NR3C2: variants seen among roughly 807,000 people sequenced by gnomAD.
NR3C2 encodes the protein mineralocorticoid receptor.
NR3C2 carries 15 observed loss-of-function variants against 86.4 expected under a neutral mutation model. That is an observed-to-expected ratio of 0.17 (90% CI 0.12 to 0.27). NR3C2 has a LOEUF of 0.27. Ranked by LOEUF, NR3C2 falls within the 10% of genes least tolerant of loss-of-function variation. The probability of loss-of-function intolerance (pLI) is 1.00; values close to 1 mark genes in which losing one functional copy is unlikely to be tolerated. For missense variants in NR3C2, 960 were observed against 1,195.6 expected, an observed-to-expected ratio of 0.80 and a Z score of 2.91; for synonymous variants, 458 against 450.5, an observed-to-expected ratio of 1.02 and a Z score of -0.21.
At chr4:148,119,785 C>CAA (rs34625634) in intron 7 of NR3C2, among the ~76,000 whole-genome samples, 4,274 of 121,926 alleles carry the variant, frequency 0.035, 200 homozygotes, top group African/African-American at 0.12. Flanking sequence ...GACTTCATCT[C>CAA]AAAAAAAAAA....
At chr4:148,329,071 A>T (rs6849127) in intron 2 of NR3C2, among the ~76,000 whole-genome samples, 51,417 of 151,982 alleles carry the variant, frequency 0.34, 9,954 homozygotes, top group African/African-American at 0.54. Context: ...AAATTGCAAA[A>T]GCCTTCAGGG....
intron 3 of NR3C2, among the ~76,000 whole-genome samples, chr4:148,217,227 A>T (rs935328914): frequency 6.6e-6 from 1 of 152,074 alleles, no homozygotes; most frequent in Non-Finnish European, 1.5e-5. Flanking sequence ...CTGGGAGAAA[A>T]CTCACCATAT....
chr4:148,141,130 G>A (rs1193970191), intron 6 of NR3C2, among the ~76,000 whole-genome samples: 2 of 151,984 alleles, frequency 1.3e-5, no homozygotes, highest in African/African-American at 2.4e-5. Context: ...GTTACCGAGC[G>A]CCAGTTATAT....
intron 2 of NR3C2, among the ~76,000 whole-genome samples, chr4:148,374,967 G>A (rs902235762): frequency 1.4e-4 from 22 of 152,188 alleles, no homozygotes; most frequent in Non-Finnish European, 2.2e-4. Flanking sequence ...CTTCTTAAAA[G>A]AAAACAGATT....
At chr4:148,199,907 T>C (rs528577005) in intron 3 of NR3C2, among the ~76,000 whole-genome samples, 39 of 152,346 alleles carry the variant, frequency 2.6e-4, no homozygotes, top group African/African-American at 8.9e-4. Context: ...ATATCATGTG[T>C]TCTTGATATG....
At chr4:148,374,579 A>G (rs1746581146) in intron 2 of NR3C2, among the ~76,000 whole-genome samples, 1 of 152,234 alleles carries the variant, frequency 6.6e-6, no homozygotes. Context: ...ATTGTTAATT[A>G]TATATGTCAA....
intron 2 of NR3C2, among the ~76,000 whole-genome samples, chr4:148,426,108 C>A (rs561984779): frequency 3.9e-5 from 6 of 152,180 alleles, no homozygotes; most frequent in Non-Finnish European, 5.9e-5. Flanking sequence ...CATTTCTTTG[C>A]GCTACCATCT....
chr4:148,424,077 C>T (rs142135106), intron 2 of NR3C2, among the ~76,000 whole-genome samples: 2 of 152,148 alleles, frequency 1.3e-5, no homozygotes, highest in Non-Finnish European at 2.9e-5. Context: ...AAAAAGTTTA[C>T]AATAAGGTAC....
intron 3 of NR3C2, among the ~76,000 whole-genome samples, chr4:148,259,452 A>C (rs3752700): frequency 4.9e-5 from 1 of 20,308 alleles, no homozygotes; most frequent in Non-Finnish European, 8.5e-5. Flanking sequence ...TTTAATATGC[A>C]AAATTTGGAA....
chr4:148,398,737 C>T (rs1747985635), intron 2 of NR3C2, among the ~76,000 whole-genome samples: 1 of 152,178 alleles, frequency 6.6e-6, no homozygotes, highest in Non-Finnish European at 1.5e-5. Flanking sequence ...CAGATTACCC[C>T]TACCCTCATG....
chr4:148,377,620 A>G (rs1339009604), intron 2 of NR3C2, among the ~76,000 whole-genome samples: 4 of 152,246 alleles, frequency 2.6e-5, no homozygotes, highest in Non-Finnish European at 5.9e-5. Flanking sequence ...GTCCTATATC[A>G]TAGTAACAAT....
intron 4 of NR3C2, among the ~76,000 whole-genome samples, chr4:148,187,219 G>T (rs1423582399): frequency 6.6e-6 from 1 of 151,584 alleles, no homozygotes; most frequent in Non-Finnish European, 1.5e-5. Flanking sequence ...ATTTTCCTCT[G>T]GGTAGATACC....
At chr4:148,419,350 C>T (rs114983110) in intron 2 of NR3C2, among the ~76,000 whole-genome samples, 181 of 152,200 alleles carry the variant, frequency 1.2e-3, no homozygotes, top group African/African-American at 4.2e-3. Context: ...GAAGGAAGGG[C>T]CCACGAATCT....
rs1730474733 is a variant in NR3C2, at chr4:148,080,094, G to A, written c.*1250C>T. ...GCTTCTAGAGGAAAAGGGAAACGAGGCAGCTTTCCCAAAGCTGCAGCACTC... is the reference window on the plus strand; with the variant it reads ...GCTTCTAGAGGAAAAGGGAAACGAGACAGCTTTCCCAAAGCTGCAGCACTC... On this transcript the variant is annotated 3_prime_UTR_variant, in exon 9 of 9. Coordinates refer to ENST00000358102, the MANE Select transcript of NR3C2 (RefSeq NM_000901.5). 6.6e-6 allele frequency: 1 copy of A among 152,192 alleles called. No homozygotes were observed. Among genetic ancestry groups the A allele is most frequent in the African/African-American group, 2.4e-5 (1 of 41,438 alleles). 9.4% of individuals were successfully genotyped at this position (152,192 alleles called of 1,614,324 possible). A position where few individuals can be genotyped will look rare whatever the true frequency, so the allele number is the denominator to read the frequency against.
At chr4:148,195,641 T>C (rs915390917) in intron 3 of NR3C2, among the ~76,000 whole-genome samples, 1 of 152,138 alleles carries the variant, frequency 6.6e-6, no homozygotes, top group African/African-American at 2.4e-5. Context: ...TGGAAGGTGA[T>C]TTTTAAATAA....
chr4:148,127,619 G>A (rs1732814095), intron 6 of NR3C2, among the ~76,000 whole-genome samples: 1 of 152,174 alleles, frequency 6.6e-6, no homozygotes, highest in Admixed American at 6.5e-5. Context: ...AGAACCGTGA[G>A]TACTAATATA....
intron 8 of NR3C2, among the ~76,000 whole-genome samples, chr4:148,097,581 C>A (rs1731337304): frequency 6.6e-6 from 1 of 152,172 alleles, no homozygotes. Context: ...CAGACAGGAT[C>A]TCTTGACACT....
At chr4:148,336,580 C>T (rs1260482620) in intron 2 of NR3C2, among the ~76,000 whole-genome samples, 1 of 152,130 alleles carries the variant, frequency 6.6e-6, no homozygotes, top group Non-Finnish European at 1.5e-5. Context: ...CTCATATACA[C>T]ACACCATGGA....
intron 2 of NR3C2, among the ~76,000 whole-genome samples, chr4:148,358,414 T>C (rs1181021263): frequency 2.9e-5 from 4 of 136,068 alleles, no homozygotes; most frequent in African/African-American, 1.1e-4. Flanking sequence ...AGGTGGGAAT[T>C]GAACAATGAG....
Sources: allele counts gnomAD v4.1 joint callset (sites outside exome capture counted in the v4.1 genomes callset), GRCh38; gene constraint gnomAD v4.1.1; transcripts MANE v1.5; gene names NCBI Gene and HGNC (gene_info 2026-07-23, HGNC 2026-07-21).